SUSD3: variants seen among roughly 807,000 people sequenced by gnomAD.
SUSD3 encodes sushi domain containing 3, also known as sushi domain-containing protein 3.
A neutral mutation model predicts 20.6 loss-of-function variants in SUSD3; 18 were observed. The observed-to-expected ratio is 0.87, with a 90% confidence interval of 0.60 to 1.30. The LOEUF (loss-of-function observed/expected upper bound fraction) is 1.30. Ranked by LOEUF, SUSD3 falls within the 50% of genes most tolerant of loss-of-function variation. SUSD3 has a pLI of 0.00. For synonymous variants in SUSD3, 137 were observed against 141.5 expected (o/e 0.97, Z 0.23); for missense variants, 306 against 346.9 (o/e 0.88, Z 0.94).
intron 1 of SUSD3, among the ~76,000 whole-genome samples, chr9:93,067,387 C>T (rs1180741690): frequency 6.6e-6 from 1 of 152,134 alleles, no homozygotes; most frequent in Non-Finnish European, 1.5e-5. Flanking sequence ...TGTGAACATT[C>T]GTGTACCCAT....
chr9:93,061,586 A>T (rs183390552), intron 1 of SUSD3, among the ~76,000 whole-genome samples: 7 of 152,252 alleles, frequency 4.6e-5, no homozygotes, highest in Non-Finnish European at 5.9e-5. Flanking sequence ...GCCTGTGCTC[A>T]CCCTCCATGT....
chr9:93,075,349 C>T (rs1003976784), intron 1 of SUSD3, among the ~76,000 whole-genome samples: 65 of 151,534 alleles, frequency 4.3e-4, no homozygotes, highest in Admixed American at 4.0e-3. Context: ...TATTAGGGAG[C>T]CTCAGAAGCT....
At chr9:93,064,322 A>C (rs1205837156) in intron 1 of SUSD3, among the ~76,000 whole-genome samples, 4 of 152,208 alleles carry the variant, frequency 2.6e-5, no homozygotes, top group South Asian at 4.1e-4. Flanking sequence ...CTGGGAGTAC[A>C]GGCGTGAGCC....
chr9:93,071,279 C>G (rs544281707), intron 1 of SUSD3, among the ~76,000 whole-genome samples: 1 of 152,202 alleles, frequency 6.6e-6, no homozygotes, highest in African/African-American at 2.4e-5. Context: ...AGCAAGGAAG[C>G]CAGTCTGAGT....
At chr9:93,067,079 A>C (rs552117899) in intron 1 of SUSD3, among the ~76,000 whole-genome samples, 3 of 152,248 alleles carry the variant, frequency 2.0e-5, no homozygotes, top group African/African-American at 7.2e-5. Context: ...GCCATCTCCC[A>C]GTTTTCCCTT....
intron 1 of SUSD3, among the ~76,000 whole-genome samples, chr9:93,065,391 C>A (rs546705124): frequency 6.6e-6 from 1 of 152,342 alleles, no homozygotes; most frequent in South Asian, 2.1e-4. Flanking sequence ...TGGGCAGACA[C>A]TCAACCAGGC....
At chr9:93,074,512 A>G (rs1312188480) in intron 1 of SUSD3, among the ~76,000 whole-genome samples, 1 of 150,558 alleles carries the variant, frequency 6.6e-6, no homozygotes, top group Non-Finnish European at 1.5e-5. Context: ...GCCCTGGGTA[A>G]GGGAATCATT....
Position 93,069,738 on chromosome 9 carries a change from C to T in SUSD3, c.89-6046C>T, listed in dbSNP as rs79295217. Among the ~76,000 whole-genome samples the T allele has an allele frequency of 3.1e-4, 47 of 151,928 alleles. 2 individuals are homozygous for T. In the East Asian group the frequency reaches 8.9e-3, roughly 29 times the overall value. ...TTTCTGAGGCTTTTCTACATATATA[C>T]GAAATCATGTCATCTAATGGAGATT... On this transcript the variant is annotated intron_variant, in intron 1 of 4. Transcript: ENST00000375472.
intron 1 of SUSD3, 49 bp from the exon 2 acceptor site, chr9:93,075,735 T>TTCCCCCCCCCC: frequency 1.3e-4 from 33 of 247,424 alleles, no homozygotes; most frequent in South Asian, 2.3e-4. Flanking sequence ...CTGCCCTGCG[T>TTCCCCCCCCCC]GCCCACCCCC....
At chr9:93,061,213 G>T (rs1317323182) in intron 1 of SUSD3, among the ~76,000 whole-genome samples, 1 of 152,258 alleles carries the variant, frequency 6.6e-6, no homozygotes, top group South Asian at 2.1e-4. Flanking sequence ...GCCTGGAGAG[G>T]GGGTAGCAGG....
At chr9:93,068,060 T>C (rs1825781975) in intron 1 of SUSD3, among the ~76,000 whole-genome samples, 1 of 152,258 alleles carries the variant, frequency 6.6e-6, no homozygotes, top group African/African-American at 2.4e-5. Flanking sequence ...TTCAATTTTG[T>C]TGTCTTCTAA....
At chr9:93,079,380 A>G in intron 3 of SUSD3, 91 bp from the exon 4 acceptor site, 1 of 1,445,642 alleles carries the variant, frequency 6.9e-7, no homozygotes, top group Non-Finnish European at 9.5e-7. Context: ...GGTCCTGCAG[A>G]CGGTGCCCTG....
At chr9:93,069,236 TTAG>T (rs1825826262) in intron 1 of SUSD3, 1 of 676,440 alleles carries the variant, frequency 1.5e-6, no homozygotes, top group Admixed American at 2.1e-5. Context: ...TGTCAGTCAC[TTAG>T]TAGCCCTCTG....
At chr9:93,076,753 C>T (rs1210930325) in intron 2 of SUSD3, among the ~76,000 whole-genome samples, 1 of 152,230 alleles carries the variant, frequency 6.6e-6, no homozygotes, top group Non-Finnish European at 1.5e-5. Context: ...TATGATGGAG[C>T]TCAACCTTCA....
chr9:93,064,999 T>G (rs1374888007), intron 1 of SUSD3, among the ~76,000 whole-genome samples: 1 of 152,162 alleles, frequency 6.6e-6, no homozygotes, highest in Non-Finnish European at 1.5e-5. Flanking sequence ...CTCAGTAGAA[T>G]AAGTCCTAGG....
chr9:93,072,955 G>A (rs1297342979), intron 1 of SUSD3, among the ~76,000 whole-genome samples: 2 of 152,152 alleles, frequency 1.3e-5, no homozygotes, highest in Non-Finnish European at 2.9e-5. Context: ...CAGGCTCGGT[G>A]GGCAGTAGGA....
intron 1 of SUSD3, chr9:93,069,037 G>A (rs912733001): frequency 1.5e-5 from 10 of 688,036 alleles, no homozygotes; most frequent in Admixed American, 6.1e-5. Context: ...CTTAATAGAC[G>A]GTACTCACCC....
At chr9:93,065,323 T>A (rs902001406) in intron 1 of SUSD3, among the ~76,000 whole-genome samples, 14 of 152,226 alleles carry the variant, frequency 9.2e-5, no homozygotes, top group African/African-American at 3.4e-4. Flanking sequence ...ATTATTCTAA[T>A]GAAGTTCTAG....
At chr9:93,076,168 C>T (rs76440435) in intron 2 of SUSD3, among the ~76,000 whole-genome samples, 196 bp downstream of exon 2, 3,994 of 152,290 alleles carry the variant, frequency 0.026, 65 homozygotes, top group Middle Eastern at 0.048. Flanking sequence ...CCTCCCAGTG[C>T]CATGTTGGCA....
Sources: allele counts gnomAD v4.1 joint callset (sites outside exome capture counted in the v4.1 genomes callset), GRCh38; gene constraint gnomAD v4.1.1; transcripts MANE v1.5; gene names NCBI Gene and HGNC (gene_info 2026-07-23, HGNC 2026-07-21).